The following ROBO1 variants were observed in gnomAD, a reference collection of about 807,000 sequenced individuals.
ROBO1 encodes roundabout homolog 1.
In ROBO1, 149 loss-of-function variants were observed where a neutral mutation model predicts 195.9. That is an observed-to-expected ratio of 0.76 (90% confidence interval 0.67 to 0.87). The LOEUF (loss-of-function observed/expected upper bound fraction) is 0.87, where lower values mean the gene tolerates loss of function less well. Among genes scored for constraint, ROBO1 ranks in the 40% least tolerant of loss-of-function variants. The pLI is 0.00. For synonymous variants in ROBO1, 816 were observed against 733.2 expected (o/e 1.11, Z -1.82); for missense variants, 1,933 against 2,068.3 (o/e 0.93, Z 1.27).
intron 4 of ROBO1, among the ~76,000 whole-genome samples, chr3:78,926,281 G>T (rs963476921): frequency 6.6e-6 from 1 of 152,184 alleles, no homozygotes; most frequent in Non-Finnish European, 1.5e-5. Flanking sequence ...AGAAGCAATT[G>T]AGAATCTCTG....
chr3:78,751,535 T>C (rs1053122473), intron 4 of ROBO1, among the ~76,000 whole-genome samples: 3 of 152,126 alleles, frequency 2.0e-5, no homozygotes, highest in African/African-American at 7.2e-5. Context: ...CTCTACCAAG[T>C]TGCCTGCCTA....
intron 2 of ROBO1, among the ~76,000 whole-genome samples, chr3:79,420,613 T>G (rs2038184581): frequency 6.6e-6 from 1 of 152,172 alleles, no homozygotes; most frequent in African/African-American, 2.4e-5. Flanking sequence ...AGAGTCTCTT[T>G]CAGCACTACT....
intron 5 of ROBO1, among the ~76,000 whole-genome samples, chr3:78,739,460 A>G (rs1408769896): frequency 6.6e-6 from 1 of 152,176 alleles, no homozygotes; most frequent in Admixed American, 6.5e-5. Context: ...TGGACTGATA[A>G]CTACAAAGCA....
intron 1 of ROBO1, among the ~76,000 whole-genome samples, chr3:79,690,187 T>C (rs1412132646): frequency 6.6e-6 from 1 of 151,920 alleles, no homozygotes; most frequent in East Asian, 1.9e-4. Context: ...ACCTTGTAAA[T>C]ATACTACCTC....
At chr3:79,292,176 T>G (rs568631584) in intron 2 of ROBO1, among the ~76,000 whole-genome samples, 1 of 152,306 alleles carries the variant, frequency 6.6e-6, no homozygotes, top group South Asian at 2.1e-4. Flanking sequence ...GGTTCTCTGT[T>G]TGTCTATTAT....
At chr3:79,534,283 T>C (rs1941772516) in intron 2 of ROBO1, among the ~76,000 whole-genome samples, 1 of 151,920 alleles carries the variant, frequency 6.6e-6, no homozygotes, top group South Asian at 2.1e-4. Context: ...GACTTAAATA[T>C]ACTTGTGGTT....
At chr3:78,973,689 A>G (rs562131635) in intron 3 of ROBO1, among the ~76,000 whole-genome samples, 1 of 151,096 alleles carries the variant, frequency 6.6e-6, no homozygotes, top group Non-Finnish European at 1.5e-5. Context: ...GCAATTAAAT[A>G]AATTCTGGCA....
intron 1 of ROBO1, among the ~76,000 whole-genome samples, chr3:79,617,820 C>CAAAAAAA (rs60181598): frequency 1.7e-5 from 1 of 57,882 alleles, no homozygotes; most frequent in Non-Finnish European, 3.1e-5. Flanking sequence ...GACTCTGTCT[C>CAAAAAAA]AAAAAAAAAA....
intron 3 of ROBO1, chr3:79,019,419 T>A: frequency 1.0e-6 from 1 of 986,166 alleles, no homozygotes; most frequent in Non-Finnish European, 1.2e-6. Flanking sequence ...CAGCGGCGTC[T>A]GAAGTTTCTG....
At chr3:79,058,779 C>T (rs1245375521) in intron 3 of ROBO1, among the ~76,000 whole-genome samples, 2 of 152,088 alleles carry the variant, frequency 1.3e-5, no homozygotes, top group African/African-American at 4.8e-5. Context: ...GGTAACTTTG[C>T]TCACACCTTG....
chr3:78,714,372 A>G, intron 8 of ROBO1, 25 bp downstream of exon 8: 1 of 1,602,842 alleles, frequency 6.2e-7, no homozygotes, highest in Non-Finnish European at 8.5e-7. Flanking sequence ...AAAACCACCA[A>G]AACAAAGCCT....
At chr3:79,700,376 T>G (rs1947588069) in intron 1 of ROBO1, among the ~76,000 whole-genome samples, 1 of 150,918 alleles carries the variant, frequency 6.6e-6, no homozygotes, top group African/African-American at 2.4e-5. Context: ...TTATTTTCTT[T>G]TGGATATGTA....
At chr3:79,367,881 T>A (rs1453425914) in intron 2 of ROBO1, among the ~76,000 whole-genome samples, 3 of 152,220 alleles carry the variant, frequency 2.0e-5, no homozygotes, top group African/African-American at 7.2e-5. Context: ...CCTAGCATAC[T>A]GCTTACACAC....
chr3:79,286,802 G>A (rs1222523201), intron 2 of ROBO1, among the ~76,000 whole-genome samples: 1 of 152,042 alleles, frequency 6.6e-6, no homozygotes, highest in Non-Finnish European at 1.5e-5. Context: ...ACAGAAAATA[G>A]TTACAATTGA....
At chr3:78,648,113 GA>G (rs1376816530) in intron 19 of ROBO1, among the ~76,000 whole-genome samples, 1 of 146,854 alleles carries the variant, frequency 6.8e-6, no homozygotes, top group Admixed American at 6.8e-5. Flanking sequence ...AACATTGAGA[GA>G]AAAAAAAGAG....
At chr3:79,644,646 A>G (rs1945764650) in intron 1 of ROBO1, among the ~76,000 whole-genome samples, 1 of 152,150 alleles carries the variant, frequency 6.6e-6, no homozygotes. Flanking sequence ...CCTGCCCACA[A>G]TACATGGGAA....
intron 1 of ROBO1, among the ~76,000 whole-genome samples, chr3:79,751,444 C>A (rs1704126769): frequency 1.3e-5 from 2 of 151,924 alleles, no homozygotes; most frequent in South Asian, 2.1e-4. Context: ...TTCAATATAT[C>A]CTCATCAAAA....
chr3:79,473,511 G>A (rs563407448), intron 2 of ROBO1, among the ~76,000 whole-genome samples: 18 of 152,112 alleles, frequency 1.2e-4, no homozygotes, highest in South Asian at 1.0e-3. Flanking sequence ...TCGAAAACTC[G>A]GAGAAATAAT....
chr3:79,393,245 C>T (rs2037020795), intron 2 of ROBO1, among the ~76,000 whole-genome samples: 1 of 152,030 alleles, frequency 6.6e-6, no homozygotes, highest in Non-Finnish European at 1.5e-5. Flanking sequence ...AGCTTTTATA[C>T]TGTGGGGGTT....
Sources: gnomAD v4.1 joint callset for allele counts (sites outside exome capture counted in the v4.1 genomes callset) on GRCh38, gnomAD v4.1.1 for gene constraint, MANE v1.5 for transcripts, NCBI Gene and HGNC (gene_info 2026-07-23, HGNC 2026-07-21) for gene names.